WDR11: variants seen among roughly 807,000 people sequenced by gnomAD.
WDR11 encodes the protein WD repeat domain 11.
In WDR11, 83 loss-of-function variants were observed where a neutral mutation model predicts 151.2. The observed-to-expected ratio is 0.55, with a 90% CI of 0.46 to 0.66. The LOEUF (loss-of-function observed/expected upper bound fraction) is 0.66. Among genes scored for constraint, WDR11 ranks in the 30% least tolerant of loss-of-function variants. The pLI is 0.00. For missense variants in WDR11, 1,301 were observed against 1,480.9 expected, an observed-to-expected ratio of 0.88 and a Z score of 1.99; for synonymous variants, 484 against 533.1, an observed-to-expected ratio of 0.91 and a Z score of 1.27.
chr10:120,893,209 C>T (rs536596034), intron 19 of WDR11, among the ~76,000 whole-genome samples: 2 of 149,546 alleles, frequency 1.3e-5, no homozygotes, highest in South Asian at 2.2e-4. Flanking sequence ...GTTCCCCTTC[C>T]TGTGTCCATG....
rs1039756546 is a variant in WDR11 at position 120,869,338 on chromosome 10, C to T, written c.1295-1832C>T. The stretch of plus-strand genomic sequence containing the variant: ...CTGTGTTAGCCAGGATGGTCTCGAT[C>T]TCCTGACCTCGTGATCCGCCCGCCT... On this transcript the variant is annotated intron_variant, in intron 9 of 28. Coordinates refer to ENST00000263461, the MANE Select transcript of WDR11 (RefSeq NM_018117.12). Among the ~76,000 whole-genome samples, 9 of 152,126 alleles carry T rather than the reference C, an allele frequency of 5.9e-5. No individual in the cohort carries two copies. The East Asian group carries it at 1.5e-3, about 26-fold the overall frequency.
intron 19 of WDR11, among the ~76,000 whole-genome samples, chr10:120,895,604 A>G (rs1205201847): frequency 6.6e-6 from 1 of 152,214 alleles, no homozygotes; most frequent in South Asian, 2.1e-4. Context: ...ACCTGGAGGA[A>G]AGTAATTCAC....
chr10:120,893,161 CCCCTCCCTCCA>C (rs1356271902), intron 19 of WDR11, among the ~76,000 whole-genome samples: 1 of 131,912 alleles, frequency 7.6e-6, no homozygotes, highest in East Asian at 2.7e-4. Context: ...CTATCCCTCC[CCCCTCCCTCCA>C]CCCCACAACA....
intron 22 of WDR11, 64 bp downstream of exon 22, chr10:120,902,386 G>T: frequency 2.8e-6 from 4 of 1,432,722 alleles, no homozygotes; most frequent in Admixed American, 1.7e-5. Context: ...TTCTTTTAAG[G>T]GTTTTTAGTT....
At chr10:120,897,559 C>G (rs1450847019) in intron 19 of WDR11, among the ~76,000 whole-genome samples, 1 of 152,198 alleles carries the variant, frequency 6.6e-6, no homozygotes, top group Non-Finnish European at 1.5e-5. Flanking sequence ...GAAAAGTACA[C>G]AGCATCCTTT....
intron 9 of WDR11, 33 bp downstream of exon 9, chr10:120,867,202 G>T (rs1360981861): frequency 3.9e-6 from 6 of 1,522,402 alleles, no homozygotes; most frequent in Admixed American, 1.7e-5. Context: ...TCCATGTTAA[G>T]TATTCTTTCT....
Position 120,852,551 on chromosome 10 carries a change from A to T in WDR11, c.114A>T (p.Gly38=). ...DWGWQGLIAY[G]CHSLVVVIDS... ...GCTGGCAAGGTTTAATTGCTTATGG[A>T]TGTCATTCACTTGTGGTAGTGATTG... The change falls in exon 2 of 29, where the codon GGA becomes GGT. Residue 38 remains glycine (G), a synonymous_variant. Transcript: ENST00000263461. The T allele has an allele frequency of 6.2e-7, 1 of 1,613,996 alleles. No homozygotes were observed. The highest frequency in any genetic ancestry group is 1.1e-5 in the South Asian group (1 of 91,068).
intron 17 of WDR11, 24 bp from the exon 18 acceptor site, chr10:120,889,871 A>C: frequency 6.7e-7 from 1 of 1,483,670 alleles, no homozygotes; most frequent in Non-Finnish European, 9.4e-7. Context: ...CATTGTATTG[A>C]TGTTTTTGTT....
chr10:120,871,594 G>A (rs1322622942), intron 10 of WDR11, among the ~76,000 whole-genome samples: 13 of 152,000 alleles, frequency 8.6e-5, no homozygotes, highest in Non-Finnish European at 1.8e-4. Context: ...AGTCTCTGAC[G>A]CTGTCCATTC....
intron 19 of WDR11, among the ~76,000 whole-genome samples, chr10:120,895,030 A>G (rs146689055): frequency 3.0e-4 from 45 of 152,266 alleles, no homozygotes; most frequent in Non-Finnish European, 4.0e-4. Context: ...AAAATAAGGT[A>G]TTTCCCTCCT....
intron 9 of WDR11, among the ~76,000 whole-genome samples, chr10:120,869,696 A>T (rs1348263096): frequency 6.6e-6 from 1 of 152,186 alleles, no homozygotes; most frequent in Non-Finnish European, 1.5e-5. Context: ...TTGAAGAAAA[A>T]TGTGGCATTC....
At chr10:120,907,149 A>C in intron 28 of WDR11, 1 of 383,978 alleles carries the variant, frequency 2.6e-6, no homozygotes, top group Non-Finnish European at 4.9e-6. Context: ...AGATGAAGGA[A>C]TGATTTGGGA....
At chr10:120,901,944 A>G (rs754669367) in intron 21 of WDR11, among the ~76,000 whole-genome samples, 4 of 152,228 alleles carry the variant, frequency 2.6e-5, no homozygotes, top group Non-Finnish European at 5.9e-5. Flanking sequence ...GATTTTTTCA[A>G]CAATGGCATT....
chr10:120,878,266 G>A, intron 11 of WDR11, 87 bp from the exon 12 acceptor site: 1 of 1,023,218 alleles, frequency 9.8e-7, no homozygotes, highest in East Asian at 2.5e-5. Flanking sequence ...TAAAATTTAG[G>A]TCTTTGGAAA....
At chr10:120,886,631 T>A in intron 15 of WDR11, 58 bp from the exon 16 acceptor site, 17 of 1,586,382 alleles carry the variant, frequency 1.1e-5, no homozygotes, top group Non-Finnish European at 1.5e-5. Flanking sequence ...TAATTAATTA[T>A]GAGTATCACT....
At chr10:120,904,475 T>G (rs1445415535) in intron 24 of WDR11, among the ~76,000 whole-genome samples, 171 bp from the exon 25 acceptor site, 1 of 152,218 alleles carries the variant, frequency 6.6e-6, no homozygotes, top group Non-Finnish European at 1.5e-5. Flanking sequence ...TTTATGTTTG[T>G]CTCAAAAAAG....
chr10:120,857,079 C>CAT (rs138746996), intron 2 of WDR11, among the ~76,000 whole-genome samples: 4,851 of 151,248 alleles, frequency 0.032, 85 homozygotes, highest in Non-Finnish European at 0.046. Context: ...AAGATTATCA[C>CAT]ATATATATAT....
chr10:120,908,620 G>A lies in WDR11; in HGVS notation c.3582G>A (p.Gln1194=). The change falls in exon 29 of 29, where the codon CAG becomes CAA. Residue 1194 remains glutamine, a synonymous_variant. Coordinates refer to ENST00000263461, the MANE Select transcript of WDR11 (RefSeq NM_018117.12). ...GTTTGAAGAACCTCGGTTTTAAGCA[G>A]GGAGCAGTTCTCTTTGCTTCAAAAG... ...ARSLKNLGFK[Q]GAVLFASKAG... 2 of 1,614,176 alleles carry A rather than the reference G, an allele frequency of 1.2e-6. No individual in the cohort carries two copies. The highest frequency in any genetic ancestry group is 1.7e-6 in the Non-Finnish European group (2 of 1,180,002).
intron 19 of WDR11, among the ~76,000 whole-genome samples, chr10:120,891,836 C>T (rs1847438366): frequency 1.3e-5 from 2 of 152,192 alleles, no homozygotes; most frequent in Admixed American, 6.5e-5. Flanking sequence ...CTGCCCACCC[C>T]TGCCCACTGC....
Sources: gnomAD v4.1 joint callset for allele counts (sites outside exome capture counted in the v4.1 genomes callset) on GRCh38, gnomAD v4.1.1 for gene constraint, MANE v1.5 for transcripts, NCBI Gene and HGNC (gene_info 2026-07-23, HGNC 2026-07-21) for gene names.